BCAR3: variants seen among roughly 807,000 people sequenced by gnomAD.
The protein encoded by BCAR3 is breast cancer anti-estrogen resistance protein 3.
Under a neutral mutation model 80.1 loss-of-function variants are expected in BCAR3, and 37 were observed. The observed-to-expected ratio is 0.46, with a 90% CI of 0.36 to 0.61. The LOEUF (loss-of-function observed/expected upper bound fraction) is 0.61. Among genes scored for constraint, BCAR3 ranks in the 20% least tolerant of loss-of-function variants. The pLI is 0.00. For synonymous variants in BCAR3, 389 were observed against 418.9 expected, an observed-to-expected ratio of 0.93 and a Z score of 0.87; for missense variants, 978 against 1,068.2, an observed-to-expected ratio of 0.92 and a Z score of 1.18.
chr1:93,613,959 C>T (rs1186303939), intron 3 of BCAR3: 9 of 1,550,096 alleles, frequency 5.8e-6, no homozygotes, highest in Non-Finnish European at 7.0e-6. Flanking sequence ...GGGGACCACA[C>T]ACTTTCTTTA....
Position 93,740,293 on chromosome 1 carries a change from A to C in BCAR3, c.-62-34151T>G, listed in dbSNP as rs371997491. On this transcript the variant is annotated intron_variant, in intron 2 of 13. Coordinates refer to the BCAR3 transcript ENST00000370244. Reference sequence around the variant, plus strand: ...CAGAGATGTTCTTTCCCACAGACACAGGCGTTAACAGCACAAAGTCAAAGG... The same window carrying C: ...CAGAGATGTTCTTTCCCACAGACACCGGCGTTAACAGCACAAAGTCAAAGG... 2.6e-4 allele frequency among the ~76,000 whole-genome samples: 40 copies of C among 152,320 alleles called. 3 individuals are homozygous for C. The highest frequency in any genetic ancestry group is 1.2e-3 in the Admixed American group (19 of 15,302).
At chr1:93,822,280 C>T (rs981731304) in intron 2 of BCAR3, among the ~76,000 whole-genome samples, 3 of 150,792 alleles carry the variant, frequency 2.0e-5, no homozygotes, top group East Asian at 3.9e-4. Flanking sequence ...CAGGTTCAAG[C>T]GATTCTCCTG....
At chr1:93,613,858 T>G in intron 3 of BCAR3, 1 of 1,550,452 alleles carries the variant, frequency 6.4e-7, no homozygotes, top group Admixed American at 2.0e-5. Flanking sequence ...TTGACTCCAA[T>G]GAAAGACTTG....
chr1:93,756,452 C>G lies in BCAR3; in HGVS notation c.-62-50310G>C, dbSNP rs112558168. ...CTGGTGCTTCATGCCAGGAACCACC[C>G]TGGTGACTAACCGAAGAGCCCAGCA... On this transcript the variant is annotated intron_variant, in intron 2 of 13. Transcript: ENST00000370244. Among the ~76,000 whole-genome samples the G allele has an allele frequency of 9.1e-4, 138 of 152,328 alleles. 3 individuals are homozygous for G. The highest frequency in any genetic ancestry group is 3.2e-3 in the African/African-American group (133 of 41,556).
At chr1:93,575,639 G>T (rs1330538372) in intron 8 of BCAR3, among the ~76,000 whole-genome samples, 5 of 152,158 alleles carry the variant, frequency 3.3e-5, no homozygotes, top group African/African-American at 4.8e-5. Context: ...AGACAAAGGG[G>T]CAGCTTGCTG....
At chr1:93,738,935 C>T (rs1359977073) in intron 2 of BCAR3, among the ~76,000 whole-genome samples, 2 of 152,104 alleles carry the variant, frequency 1.3e-5, no homozygotes, top group African/African-American at 4.8e-5. Flanking sequence ...GTGGGAAGAG[C>T]AGAGGGGCAA....
chr1:93,620,980 C>T lies in BCAR3; in HGVS notation c.357+21324G>A, dbSNP rs74412720. 1.1e-3 allele frequency among the ~76,000 whole-genome samples: 167 copies of T among 152,348 alleles called. 1 individual carries two copies. The highest frequency in any genetic ancestry group is 3.3e-3 in the African/African-American group (138 of 41,584). Reference sequence around the variant, plus strand: ...TTCTAAAGCCACACATCCCTATCTCCACCTAGAAAGGCTGCCAAGTGGCTG... The same window carrying T: ...TTCTAAAGCCACACATCCCTATCTCTACCTAGAAAGGCTGCCAAGTGGCTG... On this transcript the variant is annotated intron_variant, in intron 3 of 11. Coordinates refer to ENST00000260502, the MANE Select transcript of BCAR3 (RefSeq NM_003567.4).
intron 2 of BCAR3, among the ~76,000 whole-genome samples, chr1:93,725,788 G>A (rs1009119880): frequency 2.6e-5 from 4 of 152,172 alleles, no homozygotes; most frequent in Non-Finnish European, 4.4e-5. Flanking sequence ...TAGAGGTGAA[G>A]TAGGGATCCA....
At chr1:93,752,812 A>G (rs2100711271) in intron 2 of BCAR3, 1 of 152,362 alleles carries the variant, frequency 6.6e-6, no homozygotes, top group South Asian at 2.1e-4. Flanking sequence ...TAGAGAAGGG[A>G]CTAAGCTTGA....
chr1:93,799,753 G>A (rs1176213130), intron 2 of BCAR3, among the ~76,000 whole-genome samples: 3 of 152,172 alleles, frequency 2.0e-5, no homozygotes, highest in Non-Finnish European at 4.4e-5. Flanking sequence ...AGCCATCTCA[G>A]CCCTTAATAT....
intron 3 of BCAR3, among the ~76,000 whole-genome samples, chr1:93,699,213 CCT>C (rs985635949): frequency 4.1e-4 from 63 of 152,336 alleles, no homozygotes; most frequent in African/African-American, 1.5e-3. Flanking sequence ...TGAATTCTCC[CCT>C]CTGTCTGGCT....
chr1:93,689,331 C>G (rs6694536), intron 3 of BCAR3, among the ~76,000 whole-genome samples: 43,801 of 151,854 alleles, frequency 0.29, 9,330 homozygotes, highest in African/African-American at 0.61. Context: ...ACTAAAAATA[C>G]AAAAATTAGT....
chr1:93,583,977 G>A (rs760055008), intron 6 of BCAR3, 41 bp downstream of exon 6: 3 of 1,586,528 alleles, frequency 1.9e-6, no homozygotes, highest in South Asian at 2.2e-5. Flanking sequence ...AGGAAACCAG[G>A]GTAACACTGA....
chr1:93,837,532 T>G (rs1654813998), intron 2 of BCAR3, among the ~76,000 whole-genome samples: 1 of 152,224 alleles, frequency 6.6e-6, no homozygotes, highest in African/African-American at 2.4e-5. Flanking sequence ...CCAGATTTAC[T>G]AGAGAGCCAT....
intron 2 of BCAR3, among the ~76,000 whole-genome samples, chr1:93,717,793 T>C (rs1197817607): frequency 6.6e-6 from 1 of 151,292 alleles, no homozygotes; most frequent in Non-Finnish European, 1.5e-5. Flanking sequence ...GGTGACAGGA[T>C]GGTTTCCTTT....
intron 2 of BCAR3, among the ~76,000 whole-genome samples, chr1:93,807,308 A>T (rs1386669290): frequency 6.6e-6 from 1 of 152,186 alleles, no homozygotes; most frequent in Non-Finnish European, 1.5e-5. Flanking sequence ...AGGGGGAAAA[A>T]ATTATTTAAC....
chr1:93,811,673 C>A (rs1027878651), intron 2 of BCAR3, among the ~76,000 whole-genome samples: 13 of 152,160 alleles, frequency 8.5e-5, no homozygotes, highest in Non-Finnish European at 1.9e-4. Context: ...AGTCACCTGG[C>A]CTGTGAGCTT....
At chr1:93,780,205 G>A (rs192480801) in intron 2 of BCAR3, among the ~76,000 whole-genome samples, 218 of 152,296 alleles carry the variant, frequency 1.4e-3, no homozygotes, top group African/African-American at 4.8e-3. Flanking sequence ...ACTCAGAAGC[G>A]ATCAGCATTG....
At chr1:93,578,615 C>T (rs1673562098) in intron 7 of BCAR3, among the ~76,000 whole-genome samples, 1 of 152,304 alleles carries the variant, frequency 6.6e-6, no homozygotes, top group African/African-American at 2.4e-5. Flanking sequence ...CATCTCCACA[C>T]CCAACTCCCT....
Sources: gnomAD v4.1 joint callset for allele counts (sites outside exome capture counted in the v4.1 genomes callset) on GRCh38, gnomAD v4.1.1 for gene constraint, MANE v1.5 for transcripts, NCBI Gene and HGNC (gene_info 2026-07-23, HGNC 2026-07-21) for gene names.